The following OPHN1 variants were observed in gnomAD, a reference collection of about 807,000 sequenced individuals.
OPHN1 encodes oligophrenin-1.
Under a neutral mutation model 60.7 loss-of-function variants are expected in OPHN1, and 11 were observed. The observed-to-expected ratio is 0.18, with a 90% CI of 0.11 to 0.30. The LOEUF (loss-of-function observed/expected upper bound fraction) is 0.30, where lower values mean the gene tolerates loss of function less well. Among genes scored for constraint, OPHN1 ranks in the 10% least tolerant of loss-of-function variants. The probability of loss-of-function intolerance (pLI) is 1.00; values close to 1 mark genes in which losing one functional copy is unlikely to be tolerated. For synonymous variants in OPHN1, 226 were observed against 222.6 expected (o/e 1.02, Z -0.14); for missense variants, 449 against 611.0 (o/e 0.73, Z 2.80).
At chrX:68,315,001 A>C (rs1421756652) in intron 2 of OPHN1, among the ~76,000 whole-genome samples, 1 of 108,649 alleles carries the variant, frequency 9.2e-6, no homozygotes, top group African/African-American at 3.4e-5. Flanking sequence ...AAAAAAAAAA[A>C]CAGAGAGAGA....
chrX:68,400,022 C>T (rs1331559716), intron 2 of OPHN1, among the ~76,000 whole-genome samples: 1 of 109,846 alleles, frequency 9.1e-6, no homozygotes, highest in Admixed American at 9.8e-5. Flanking sequence ...GGAGTGTGAG[C>T]TTTGTAACTT....
chrX:68,386,537 G>A (rs1485961309), intron 2 of OPHN1, among the ~76,000 whole-genome samples: 3 of 111,844 alleles, frequency 2.7e-5, no homozygotes, highest in East Asian at 2.8e-4. Flanking sequence ...AGAATATAGC[G>A]TAGAGTTCCA....
intron 2 of OPHN1, among the ~76,000 whole-genome samples, chrX:68,431,320 G>C (rs945747465): frequency 1.8e-5 from 2 of 112,295 alleles, no homozygotes; most frequent in Non-Finnish European, 3.8e-5. Context: ...CCAAAAGTGG[G>C]CAGAGAGCAT....
chrX:68,386,506 G>C (rs1335866342), intron 2 of OPHN1, among the ~76,000 whole-genome samples: 2 of 111,378 alleles, frequency 1.8e-5, no homozygotes, highest in South Asian at 3.8e-4. Context: ...GTGGCCAGGC[G>C]CACCTTGGCA....
intron 2 of OPHN1, among the ~76,000 whole-genome samples, chrX:68,421,529 C>T (rs190437196): frequency 1.3e-4 from 15 of 111,389 alleles, no homozygotes; most frequent in Admixed American, 3.8e-4. Context: ...TGCCTTATTA[C>T]CCACCCTCTT....
At chrX:68,126,462 TG>T (rs2077172289) in intron 15 of OPHN1, among the ~76,000 whole-genome samples, 1 of 111,060 alleles carries the variant, frequency 9.0e-6, no homozygotes, top group African/African-American at 3.3e-5. Flanking sequence ...TTTTTTTTTT[TG>T]AGACAGAGTC....
intron 2 of OPHN1, among the ~76,000 whole-genome samples, chrX:68,336,142 T>A (rs2078321084): frequency 9.1e-6 from 1 of 109,908 alleles, no homozygotes; most frequent in African/African-American, 3.3e-5. Context: ...AAAACTGAGA[T>A]CTCTCTTTCA....
chrX:68,402,678 G>A (rs924120316), intron 2 of OPHN1, among the ~76,000 whole-genome samples: 1 of 111,819 alleles, frequency 8.9e-6, no homozygotes, highest in African/African-American at 3.3e-5. Flanking sequence ...AGAGTTATAG[G>A]TAGTGCCATA....
At chrX:68,119,386 A>T in intron 15 of OPHN1, 54 bp from the exon 16 acceptor site, 1 of 920,075 alleles carries the variant, frequency 1.1e-6, no homozygotes. Flanking sequence ...AAAATCTTAC[A>T]TTTTCCCTCT....
chrX:68,099,385 A>G (rs1380690776), intron 18 of OPHN1, among the ~76,000 whole-genome samples: 1 of 111,337 alleles, frequency 9.0e-6, no homozygotes, highest in Non-Finnish European at 1.9e-5. Context: ...TGCATGGTTT[A>G]GATTAGAGGT....
At chrX:68,416,065 T>TAG (rs1331857521) in intron 2 of OPHN1, among the ~76,000 whole-genome samples, 18 of 5,196 alleles carry the variant, frequency 3.5e-3, no homozygotes, top group Non-Finnish European at 7.3e-3. Context: ...TATATATATA[T>TAG]ATAGAGAGAG....
chrX:68,266,169 T>C (rs989519351), intron 5 of OPHN1, among the ~76,000 whole-genome samples: 1 of 110,742 alleles, frequency 9.0e-6, no homozygotes, highest in South Asian at 3.9e-4. Flanking sequence ...ATTCAGGAAA[T>C]ACAGAGAACG....
intron 15 of OPHN1, among the ~76,000 whole-genome samples, chrX:68,134,972 C>G (rs778479017): frequency 1.3e-4 from 14 of 110,652 alleles, no homozygotes; most frequent in Non-Finnish European, 1.9e-5. Context: ...TTACAAAATG[C>G]CTTGTTTCCT....
intron 15 of OPHN1, among the ~76,000 whole-genome samples, chrX:68,190,715 T>A (rs1426139335): frequency 8.9e-6 from 1 of 112,134 alleles, no homozygotes; most frequent in East Asian, 2.8e-4. Flanking sequence ...ATAAGAGTGA[T>A]ACTGGAAACA....
intron 15 of OPHN1, among the ~76,000 whole-genome samples, chrX:68,164,159 C>T (rs1159334515): frequency 2.7e-5 from 3 of 111,188 alleles, no homozygotes; most frequent in Non-Finnish European, 5.7e-5. Flanking sequence ...GATAATCTAG[C>T]CAAAAGCACT....
intron 2 of OPHN1, among the ~76,000 whole-genome samples, chrX:68,342,844 G>T (rs2078359819): frequency 9.0e-6 from 1 of 111,342 alleles, no homozygotes; most frequent in African/African-American, 3.3e-5. Flanking sequence ...AGGAGGCTGA[G>T]GCAGGAGGAT....
chrX:68,354,765 A>G (rs1211420413), intron 2 of OPHN1, among the ~76,000 whole-genome samples: 1 of 110,584 alleles, frequency 9.0e-6, no homozygotes, highest in Non-Finnish European at 1.9e-5. Context: ...AAAAAAAAAA[A>G]AAAAACTAAA....
intron 5 of OPHN1, among the ~76,000 whole-genome samples, chrX:68,264,654 T>C (rs767248005): frequency 8.9e-6 from 1 of 111,918 alleles, no homozygotes; most frequent in Admixed American, 9.4e-5. Context: ...TGGGTTCATC[T>C]CACTGGGGAG....
intron 3 of OPHN1, among the ~76,000 whole-genome samples, chrX:68,290,111 C>G (rs182479702): frequency 9.0e-6 from 1 of 110,503 alleles, no homozygotes; most frequent in Admixed American, 9.7e-5. Context: ...GACATTAACA[C>G]GGTTATGGAG....
Sources: allele counts gnomAD v4.1 joint callset (sites outside exome capture counted in the v4.1 genomes callset), GRCh38; gene constraint gnomAD v4.1.1; transcripts MANE v1.5; gene names NCBI Gene and HGNC (gene_info 2026-07-23, HGNC 2026-07-21).